NOC4L: variants seen among roughly 807,000 people sequenced by gnomAD.
The protein encoded by NOC4L is nucleolar complex protein 4 homolog.
NOC4L carries 40 observed loss-of-function variants against 62.8 expected under a neutral mutation model. That is an observed-to-expected ratio of 0.64 (90% CI 0.49 to 0.83). NOC4L has a LOEUF of 0.83. Among genes scored for constraint, NOC4L ranks in the 40% least tolerant of loss-of-function variants. The probability of loss-of-function intolerance (pLI) is 0.00; values close to 1 mark genes in which losing one functional copy is unlikely to be tolerated. For missense variants in NOC4L, 927 were observed against 701.9 expected (o/e 1.32, Z -3.62); for synonymous variants, 433 against 299.8 (o/e 1.44, Z -4.59).
At position 132,151,277 on chromosome 12, in the gene NOC4L, C is replaced by T. The variant is rs758229710; in HGVS notation, c.982C>T (p.Arg328Trp). ...CCGCAGGGAGTACCCTGACTTCTAC[C>T]GGAAGCTCTACGGCCTCTTGGACCC... ...KHNLEYPDFY[R>W]KLYGLLDPSV... Residue 328 changes from arginine (R) to tryptophan (W), a missense_variant, in exon 11 of 15, where the codon CGG becomes TGG. Transcript: ENST00000330579. 85 of 1,611,838 alleles carry T rather than the reference C, an allele frequency of 5.3e-5. No homozygotes were observed. In the East Asian group the frequency reaches 1.4e-3, roughly 27 times the overall value.
intron 2 of NOC4L, among the ~76,000 whole-genome samples, chr12:132,145,258 GGAGCTTCCTTTATGTCCCCA>G (rs1458178611): frequency 2.6e-5 from 4 of 152,218 alleles, no homozygotes. Context: ...GCTTAAACTC[GGAGCTTCCTTTATGTCCCCA>G]TCCTGGGGAC....
intron 3 of NOC4L, among the ~76,000 whole-genome samples, chr12:132,146,954 C>T (rs552218066): frequency 1.2e-3 from 188 of 152,260 alleles, no homozygotes; most frequent in African/African-American, 4.3e-3. Flanking sequence ...CACAGCTGTT[C>T]CCAAGGGTTA....
At position 132,144,617 on chromosome 12, in the gene NOC4L, G is replaced by T; in HGVS notation, c.117+12G>T. Reference sequence around the variant, plus strand: ...TGGCCGTGCTGCAGGTGGGCCTGGCGGCGTCGCAGGGCCGGAGTCGCGGCA... The same window carrying T: ...TGGCCGTGCTGCAGGTGGGCCTGGCTGCGTCGCAGGGCCGGAGTCGCGGCA... On this transcript the variant is annotated intron_variant, in intron 1 of 14. Coordinates refer to ENST00000330579, the MANE Select transcript of NOC4L (RefSeq NM_024078.3). 6.7e-7 allele frequency: 1 copy of T among 1,493,042 alleles called. No individual in the cohort carries two copies. Among genetic ancestry groups the T allele is most frequent in the African/African-American group, 1.4e-5 (1 of 70,782 alleles). The allele number at this position is 1,493,042 out of a possible 1,614,324, so 92.5% of individuals were successfully genotyped here.
In NOC4L at chr12:132,148,912, C is replaced by T. The variant is rs781488368; in HGVS notation, c.901+17C>T. The T allele has an allele frequency of 9.9e-6, 11 of 1,115,206 alleles. No individual in the cohort carries two copies. The highest frequency in any genetic ancestry group is 7.2e-5 in the East Asian group (3 of 41,692). 69.1% of individuals were successfully genotyped at this position (1,115,206 alleles called of 1,614,324 possible). A position where few individuals can be genotyped will look rare whatever the true frequency, so the allele number is the denominator to read the frequency against. On this transcript the variant is annotated intron_variant, in intron 9 of 14. Transcript: ENST00000330579. ...GCGACCTCGGTGAGTGCCGCCGCCT[C>T]GCTCACACCACACCCCTAATCCCCT...
At position 132,151,387 on chromosome 12, in the gene NOC4L, G is replaced by T; in HGVS notation, c.1073+19G>T. The T allele has an allele frequency of 6.2e-7, 1 of 1,605,446 alleles. No homozygotes were observed. Among genetic ancestry groups the T allele is most frequent in the Non-Finnish European group, 8.5e-7 (1 of 1,178,692 alleles). On this transcript the variant is annotated intron_variant, in intron 11 of 14. Transcript: ENST00000330579. ...CCTCCTCGTGAGTACCAGGGCACCT[G>T]GCTCTGCCCTGCTCTGTGCGGCTGC...
Position 132,152,118 on chromosome 12 carries a change from A to G in NOC4L, c.1352A>G (p.Lys451Arg), listed in dbSNP as rs1410373152. 7 of 1,612,304 alleles carry G rather than the reference A, an allele frequency of 4.3e-6. No homozygotes were observed. The highest frequency in any genetic ancestry group is 5.1e-6 in the Non-Finnish European group (6 of 1,179,818). ...LQRHYHPEVS[K>R]AASVINQALS... ...CGCCACTACCACCCTGAGGTGTCCA[A>G]AGCCGCCAGCGTCATCAACCAGGCC... The change falls in exon 14 of 15, where the codon AAA (lysine) becomes AGA (arginine). Residue 451 changes from lysine to arginine, a missense_variant. By Grantham distance (26) the Lys-to-Arg change is conservative. Coordinates refer to ENST00000330579, the MANE Select transcript of NOC4L (RefSeq NM_024078.3).
Position 132,148,580 on chromosome 12 carries a change from C to T in NOC4L, c.739-29C>T, listed in dbSNP as rs373902180. ...GGGCTCTGGTCTGGGGTGGGGAGGG[C>T]GGCGAGTGCAGTCTGGACCCCGTTG... On this transcript the variant is annotated intron_variant, in intron 7 of 14. Transcript: ENST00000330579. 228 of 1,535,390 alleles carry T rather than the reference C, an allele frequency of 1.5e-4. No homozygotes were observed. In the Middle Eastern group the frequency reaches 1.5e-3, roughly 10 times the overall value.
intron 4 of NOC4L, 75 bp downstream of exon 4, chr12:132,147,463 G>T: frequency 6.8e-7 from 1 of 1,464,990 alleles, no homozygotes. Flanking sequence ...TAGTGGGGGC[G>T]GGGCCTGCTG....
rs76665130 is a variant in NOC4L, at chr12:132,148,647, C to T, written c.777C>T (p.Phe259=). The change falls in exon 8 of 15, where the codon TTC becomes TTT. Residue 259 remains phenylalanine, a synonymous_variant. Coordinates refer to ENST00000330579, the MANE Select transcript of NOC4L (RefSeq NM_024078.3). The part of the protein sequence containing the change: ...RRVFQAMWLS[F]LKHKLPLSLY... ...TTTTCCAGGCCATGTGGCTCAGCTT[C>T]CTCAAGCACAAGGTAGGGGCCAGGC... is the stretch of plus-strand genomic sequence containing the variant. 2,073 of 1,548,488 alleles carry T rather than the reference C, an allele frequency of 1.3e-3. 19 individuals are homozygous for T. In the African/African-American group the frequency reaches 0.024, roughly 18 times the overall value.
intron 9 of NOC4L, 99 bp downstream of exon 9, chr12:132,148,994 C>T (rs1897852527): frequency 5.8e-6 from 1 of 171,722 alleles, no homozygotes; most frequent in Non-Finnish European, 1.1e-5. Flanking sequence ...GTGAGTGCCG[C>T]CGCCTCACTC....
At chr12:132,146,092 G>A (rs192820071) in intron 3 of NOC4L, 4 of 382,240 alleles carry the variant, frequency 1.0e-5, no homozygotes, top group South Asian at 5.7e-5. Context: ...AGTGGTTGCC[G>A]CTATCCCAGA....
At chr12:132,152,010 C>T in intron 13 of NOC4L, 74 bp from the exon 14 acceptor site, 1 of 1,426,458 alleles carries the variant, frequency 7.0e-7, no homozygotes, top group South Asian at 1.2e-5. Flanking sequence ...TGGTTGGGAG[C>T]ACAGGGAGGC....
Position 132,151,778 on chromosome 12 carries a change from A to G in NOC4L, c.1275A>G (p.Pro425=). 1 of 1,612,254 alleles carries G rather than the reference A, an allele frequency of 6.2e-7. No individual in the cohort carries two copies. The highest frequency in any genetic ancestry group is 8.5e-7 in the Non-Finnish European group (1 of 1,179,776). ...ADPYDPGEED[P]AQSRALESSL... is the part of the protein sequence containing the mutation. The stretch of plus-strand genomic sequence containing the variant: ...CCTACGACCCTGGAGAGGAGGACCC[A>G]GCCCAGAGCCGGGCCTTGGAGAGCT... The change falls in exon 13 of 15, where the codon CCA becomes CCG. Residue 425 remains proline, a synonymous_variant. Coordinates refer to ENST00000330579, the MANE Select transcript of NOC4L (RefSeq NM_024078.3).
At position 132,147,924 on chromosome 12, in the gene NOC4L, C is replaced by T. The variant is rs370828767; in HGVS notation, c.648C>T (p.Ala216=). Reference sequence around the variant, plus strand: ...ACAATGCCTTCACGCTGCTGTCTGCCGTGAGCCTGCCCCGCCGGGAGCCCA... The same window carrying T: ...ACAATGCCTTCACGCTGCTGTCTGCTGTGAGCCTGCCCCGCCGGGAGCCCA... ...FWNNAFTLLS[A]VSLPRREPTV... The change falls in exon 6 of 15, where the codon GCC becomes GCT. Residue 216 remains alanine, a synonymous_variant. Coordinates refer to ENST00000330579, the MANE Select transcript of NOC4L (RefSeq NM_024078.3). 5.6e-5 allele frequency: 89 copies of T among 1,602,278 alleles called. No homozygotes were observed. The highest frequency in any genetic ancestry group is 2.0e-4 in the African/African-American group (15 of 74,670).
intron 3 of NOC4L, among the ~76,000 whole-genome samples, 188 bp downstream of exon 3, chr12:132,145,853 G>A (rs1386115735): frequency 1.3e-5 from 2 of 152,214 alleles, no homozygotes; most frequent in Admixed American, 1.3e-4. Flanking sequence ...GAATATTGAA[G>A]ACGCAGAATC....
At chr12:132,148,133 C>A in intron 7 of NOC4L, 27 bp downstream of exon 7, 4 of 1,612,094 alleles carry the variant, frequency 2.5e-6, no homozygotes, top group South Asian at 1.1e-5. Flanking sequence ...GAGCCGGGCA[C>A]CCTCCCGGGT....
chr12:132,144,731 G>C, intron 1 of NOC4L, 123 bp from the exon 2 acceptor site: 1 of 1,467,306 alleles, frequency 6.8e-7, no homozygotes, highest in South Asian at 1.3e-5. Flanking sequence ...GAGGCGTGTG[G>C]GTCACGGGTC....
Position 132,147,647 on chromosome 12 carries a change from C to A in NOC4L, c.468C>A (p.Gly156=). 1 of 1,612,784 alleles carries A rather than the reference C, an allele frequency of 6.2e-7. No homozygotes were observed. The highest frequency in any genetic ancestry group is 8.5e-7 in the Non-Finnish European group (1 of 1,179,914). ...CTTGCCCCTAGTTGGTGGTGGGAGG[C>A]CTGCTGTCTCCTGAGGAGGACCAGA... ...PRELFKLVVG[G]LLSPEEDQSL... Residue 156 remains glycine, a synonymous_variant, in exon 5 of 15, where the codon GGC becomes GGA. Transcript: ENST00000330579.
At chr12:132,148,726 C>G in intron 8 of NOC4L, 58 bp from the exon 9 acceptor site, 1 of 1,401,364 alleles carries the variant, frequency 7.1e-7, no homozygotes, top group African/African-American at 1.5e-5. Context: ...AGGCCTCACC[C>G]CGACCCGCCG....
Sources: gnomAD v4.1 joint callset for allele counts (sites outside exome capture counted in the v4.1 genomes callset) on GRCh38, gnomAD v4.1.1 for gene constraint, MANE v1.5 for transcripts, NCBI Gene and HGNC (gene_info 2026-07-23, HGNC 2026-07-21) for gene names.